LRRC8B: variants seen among roughly 807,000 people sequenced by gnomAD.
LRRC8B encodes volume-regulated anion channel subunit LRRC8B.
LRRC8B carries 23 observed loss-of-function variants against 58.8 expected under a neutral mutation model. That is an observed-to-expected ratio of 0.39 (90% confidence interval 0.28 to 0.55). The LOEUF (loss-of-function observed/expected upper bound fraction) is 0.55, where lower values mean the gene tolerates loss of function less well. Ranked by LOEUF, LRRC8B falls within the 20% of genes least tolerant of loss-of-function variation. LRRC8B has a pLI of 0.62. For synonymous variants in LRRC8B, 359 were observed against 374.1 expected (o/e 0.96, Z 0.47); for missense variants, 694 against 936.0 (o/e 0.74, Z 3.37).
chr1:89,580,213 G>A (rs534351840), intron 4 of LRRC8B, among the ~76,000 whole-genome samples: 5 of 152,252 alleles, frequency 3.3e-5, no homozygotes, highest in East Asian at 3.9e-4. Flanking sequence ...TCGATTGCCC[G>A]TGTTCCTCTG....
Position 89,583,782 on chromosome 1 carries a change from C to A in LRRC8B, c.1132C>A (p.Pro378Thr). ...CCTTCATCTGGCTGATCAGTATGATCCTCTTTATTCCAAACGCTTCTCCAT... is the reference window on the plus strand; with the variant it reads ...CCTTCATCTGGCTGATCAGTATGATACTCTTTATTCCAAACGCTTCTCCAT... ...FILHLADQYD[P>T]LYSKRFSIFL... The change falls in exon 5 of 6, where the codon CCT becomes ACT. Residue 378 changes from proline (P) to threonine (T), a missense_variant. Coordinates refer to ENST00000330947, the MANE Select transcript of LRRC8B (RefSeq NM_001369817.2). This position sits in a 1 kb window ranked among gnomAD's most constrained non-coding sequence, Gnocchi z 5.2. The A allele has an allele frequency of 6.2e-7, 1 of 1,614,146 alleles. No individual in the cohort carries two copies. Among genetic ancestry groups the A allele is most frequent in the Non-Finnish European group, 8.5e-7 (1 of 1,180,032 alleles).
At chr1:89,563,930 ATT>A (rs1252207379) in intron 1 of LRRC8B, among the ~76,000 whole-genome samples, 2 of 152,170 alleles carry the variant, frequency 1.3e-5, no homozygotes, top group Non-Finnish European at 2.9e-5. Context: ...AGTCTCTCAC[ATT>A]TTCATCAGTT....
At chr1:89,572,672 C>A in intron 3 of LRRC8B, 1 of 152,180 alleles carries the variant, frequency 6.6e-6, no homozygotes, top group Non-Finnish European at 1.5e-5. Flanking sequence ...CGTATTATGG[C>A]TTGCTTACTG....
In LRRC8B at chr1:89,524,839, G is replaced by A. The variant is rs1019888781; in HGVS notation, c.-424G>A. 3 of 152,256 alleles carry A rather than the reference G, an allele frequency of 2.0e-5. No homozygotes were observed. The highest frequency in any genetic ancestry group is 4.8e-5 in the African/African-American group (2 of 41,452). The allele number at this position is 152,256 out of a possible 1,614,324, so 9.4% of individuals were successfully genotyped here. On this transcript the variant is annotated 5_prime_UTR_variant, in exon 1 of 6. Coordinates refer to ENST00000330947, the MANE Select transcript of LRRC8B (RefSeq NM_001369817.2). ...CGCCGCCGAGCGCCCATTGGCCAGC[G>A]GAACGCGTCGCGTCACAATGGAGCC...
chr1:89,536,497 A>G (rs887710170), intron 1 of LRRC8B, among the ~76,000 whole-genome samples: 2 of 152,250 alleles, frequency 1.3e-5, no homozygotes, highest in South Asian at 2.1e-4. Flanking sequence ...TTTTCATTCA[A>G]TACATTTTTT....
At chr1:89,577,201 T>C (rs1033402220) in intron 3 of LRRC8B, among the ~76,000 whole-genome samples, 6 of 152,202 alleles carry the variant, frequency 3.9e-5, no homozygotes, top group African/African-American at 1.4e-4. Flanking sequence ...CTTCTCAGTA[T>C]ATAATGACAC....
chr1:89,534,377 A>T (rs1650366626), intron 1 of LRRC8B, among the ~76,000 whole-genome samples: 1 of 152,212 alleles, frequency 6.6e-6, no homozygotes, highest in South Asian at 2.1e-4. Context: ...CGTATAAATA[A>T]GCTCTTTTAG....
chr1:89,537,645 G>A (rs1214358915), intron 1 of LRRC8B, among the ~76,000 whole-genome samples: 1 of 152,008 alleles, frequency 6.6e-6, no homozygotes, highest in Non-Finnish European at 1.5e-5. Context: ...GCTAATTTTT[G>A]TATTTTTACT....
chr1:89,568,347 T>A (rs1190810647), intron 2 of LRRC8B, 40 bp downstream of exon 2: 3 of 152,202 alleles, frequency 2.0e-5, no homozygotes, highest in African/African-American at 4.8e-5. Context: ...TTATTACATA[T>A]GTTGGAAATT....
At chr1:89,540,836 GA>G (rs1171711290) in intron 1 of LRRC8B, among the ~76,000 whole-genome samples, 2 of 152,108 alleles carry the variant, frequency 1.3e-5, no homozygotes, top group African/African-American at 4.8e-5. Flanking sequence ...AGTTAGTTTA[GA>G]AAAAAGTCAT....
chr1:89,562,888 G>A (rs1570606236), intron 1 of LRRC8B, among the ~76,000 whole-genome samples: 1 of 152,124 alleles, frequency 6.6e-6, no homozygotes, highest in East Asian at 1.9e-4. Flanking sequence ...CCCTTCCTCT[G>A]GCTATCTAGC....
chr1:89,540,141 C>G (rs1650847303), intron 1 of LRRC8B, among the ~76,000 whole-genome samples: 1 of 152,090 alleles, frequency 6.6e-6, no homozygotes, highest in Non-Finnish European at 1.5e-5. Context: ...ATCACCTGGA[C>G]AATTATTTTT....
At chr1:89,592,287 TAA>T (rs1655034812) in intron 5 of LRRC8B, among the ~76,000 whole-genome samples, 1 of 152,172 alleles carries the variant, frequency 6.6e-6, no homozygotes, top group Non-Finnish European at 1.5e-5. Flanking sequence ...TAGGCTTTTT[TAA>T]AAAAGAGAAT....
chr1:89,596,176 G>A lies in LRRC8B; in HGVS notation c.*3133G>A, dbSNP rs983567904. The A allele has an allele frequency of 1.3e-5, 2 of 151,950 alleles. No homozygotes were observed. Among genetic ancestry groups the A allele is most frequent in the African/African-American group, 4.8e-5 (2 of 41,384 alleles). 9.4% of individuals were successfully genotyped at this position (151,950 alleles called of 1,614,324 possible). ...TTATGACATTTAGAAGAAATCACAT[G>A]CTCAACCTTAATCTGAGAACCTAAG... On this transcript the variant is annotated 3_prime_UTR_variant, in exon 6 of 6. Coordinates refer to ENST00000330947, the MANE Select transcript of LRRC8B (RefSeq NM_001369817.2).
chr1:89,587,813 G>C (rs545678468), intron 5 of LRRC8B: 2 of 152,358 alleles, frequency 1.3e-5, no homozygotes, highest in South Asian at 4.2e-4. Context: ...AAAACAATCA[G>C]GCACAAAGTA....
chr1:89,581,106 A>G (rs993298178), intron 4 of LRRC8B, among the ~76,000 whole-genome samples: 3 of 151,934 alleles, frequency 2.0e-5, no homozygotes, highest in African/African-American at 7.3e-5. Context: ...CCTGGCCAAC[A>G]TGGTGAAACC....
intron 1 of LRRC8B, among the ~76,000 whole-genome samples, chr1:89,551,785 T>C (rs1458896570): frequency 1.3e-5 from 2 of 152,198 alleles, no homozygotes; most frequent in Non-Finnish European, 2.9e-5. Flanking sequence ...AGACAAGCTC[T>C]GAATGAGACC....
intron 1 of LRRC8B, among the ~76,000 whole-genome samples, chr1:89,526,784 G>T (rs754518906): frequency 7.9e-5 from 12 of 152,196 alleles, no homozygotes; most frequent in South Asian, 2.1e-4. Context: ...TCGGAATTAA[G>T]TTTACCATTC....
At chr1:89,572,226 G>A (rs1653524917) in intron 3 of LRRC8B, among the ~76,000 whole-genome samples, 1 of 152,158 alleles carries the variant, frequency 6.6e-6, no homozygotes, top group Admixed American at 6.5e-5. Flanking sequence ...AGTCTGAAGG[G>A]CTTTTCATTG....
Sources: allele counts gnomAD v4.1 joint callset (sites outside exome capture counted in the v4.1 genomes callset), GRCh38; gene constraint gnomAD v4.1.1; non-coding constraint Gnocchi (gnomAD v3.1); transcripts MANE v1.5; gene names NCBI Gene and HGNC (gene_info 2026-07-23, HGNC 2026-07-21).